The following GOLPH3L variants were observed in gnomAD, a reference collection of about 807,000 sequenced individuals.
GOLPH3L encodes golgi phosphoprotein 3 like, also known as Golgi phosphoprotein 3-like.
A neutral mutation model predicts 30.3 loss-of-function variants in GOLPH3L; 22 were observed. The observed-to-expected ratio is 0.73, with a 90% CI of 0.52 to 1.04. The LOEUF is 1.04. GOLPH3L is among the 50% of genes least tolerant of loss of function. The pLI, the probability that GOLPH3L is intolerant of heterozygous loss-of-function variation, is 0.00. For missense variants in GOLPH3L, 303 were observed against 345.8 expected (o/e 0.88, Z 0.98); for synonymous variants, 120 against 128.2 (o/e 0.94, Z 0.43).
intron 2 of GOLPH3L, chr1:150,694,025 A>G: frequency 3.4e-6 from 1 of 291,618 alleles, no homozygotes. Context: ...ACACATGGCT[A>G]ATTTTTTATT....
intron 2 of GOLPH3L, among the ~76,000 whole-genome samples, chr1:150,687,157 G>A (rs587647394): frequency 6.7e-4 from 102 of 151,898 alleles, no homozygotes; most frequent in Non-Finnish European, 1.1e-3. Context: ...TCTTTGCTCG[G>A]CCTGCTATTA....
intron 4 of GOLPH3L, among the ~76,000 whole-genome samples, chr1:150,658,874 A>T (rs1650306473): frequency 6.6e-6 from 1 of 152,380 alleles, no homozygotes; most frequent in Non-Finnish European, 1.5e-5. Context: ...GGCTCTTAAT[A>T]AGATCCAAAT....
At chr1:150,682,669 CTCTG>C (rs993931203) in intron 2 of GOLPH3L, among the ~76,000 whole-genome samples, 12 of 142,694 alleles carry the variant, frequency 8.4e-5, no homozygotes, top group Admixed American at 2.1e-4. Flanking sequence ...TCATGTAGAT[CTCTG>C]TCTGAATTTC....
intron 4 of GOLPH3L, among the ~76,000 whole-genome samples, chr1:150,655,564 G>A (rs186984766): frequency 1.1e-3 from 167 of 152,262 alleles, no homozygotes; most frequent in African/African-American, 3.6e-3. Flanking sequence ...CAAGGTTTAG[G>A]ATATCATTTT....
intron 2 of GOLPH3L, among the ~76,000 whole-genome samples, chr1:150,668,083 C>G (rs1429602223): frequency 6.6e-6 from 1 of 152,162 alleles, no homozygotes; most frequent in African/African-American, 2.4e-5. Context: ...GGTTCTGCAC[C>G]TGGGTGTGCC....
intron 2 of GOLPH3L, among the ~76,000 whole-genome samples, chr1:150,675,319 T>C (rs1476336982): frequency 6.6e-6 from 1 of 151,828 alleles, no homozygotes. Flanking sequence ...CATATACACA[T>C]TGTAGAAAAT....
chr1:150,669,746 G>C (rs766710419), intron 2 of GOLPH3L, among the ~76,000 whole-genome samples: 4 of 152,184 alleles, frequency 2.6e-5, no homozygotes, highest in Non-Finnish European at 4.4e-5. Flanking sequence ...TGGATCACCT[G>C]AGGTTAGGAG....
chr1:150,660,803 A>AT (rs1650350706), intron 4 of GOLPH3L, among the ~76,000 whole-genome samples: 1 of 152,246 alleles, frequency 6.6e-6, no homozygotes, highest in Admixed American at 6.5e-5. Flanking sequence ...GGAAGTTATC[A>AT]TTTAATAGGT....
At chr1:150,653,175 C>CAAAAA (rs757485843) in intron 4 of GOLPH3L, among the ~76,000 whole-genome samples, 6 of 76,238 alleles carry the variant, frequency 7.9e-5, no homozygotes, top group Admixed American at 1.3e-4. Flanking sequence ...GCCAAAAAAA[C>CAAAAA]AAAAAAAAAA....
chr1:150,683,264 C>A (rs898246620), intron 2 of GOLPH3L, among the ~76,000 whole-genome samples: 4 of 151,816 alleles, frequency 2.6e-5, no homozygotes, highest in Admixed American at 1.3e-4. Context: ...TGGCCTGGAG[C>A]GGTGGCTCAC....
At chr1:150,673,495 G>A (rs1233216799) in intron 2 of GOLPH3L, among the ~76,000 whole-genome samples, 1 of 151,662 alleles carries the variant, frequency 6.6e-6, no homozygotes, top group African/African-American at 2.4e-5. Flanking sequence ...TGAATCAGGA[G>A]GCGGAGGTTG....
intron 2 of GOLPH3L, among the ~76,000 whole-genome samples, chr1:150,689,099 T>C (rs1399893432): frequency 6.6e-6 from 1 of 152,104 alleles, no homozygotes; most frequent in African/African-American, 2.4e-5. Context: ...TTGCCATATT[T>C]CCAATGGATA....
chr1:150,688,480 A>G (rs1274227592), intron 2 of GOLPH3L, among the ~76,000 whole-genome samples: 1 of 152,144 alleles, frequency 6.6e-6, no homozygotes, highest in Non-Finnish European at 1.5e-5. Flanking sequence ...GGCGGGGCGC[A>G]GTGGCTCACA....
chr1:150,681,939 G>A (rs1333891754), intron 2 of GOLPH3L, among the ~76,000 whole-genome samples: 3 of 151,978 alleles, frequency 2.0e-5, no homozygotes, highest in East Asian at 1.9e-4. Flanking sequence ...TGTGGCAGGC[G>A]CCTGTAATCC....
chr1:150,681,588 T>C (rs925743011), intron 2 of GOLPH3L, among the ~76,000 whole-genome samples: 4 of 152,168 alleles, frequency 2.6e-5, no homozygotes, highest in African/African-American at 9.7e-5. Flanking sequence ...AGTCCTGCTC[T>C]CAGGGAGGTT....
intron 2 of GOLPH3L, among the ~76,000 whole-genome samples, chr1:150,693,494 C>T (rs12032880): frequency 2.0e-5 from 3 of 151,584 alleles, no homozygotes; most frequent in Admixed American, 6.6e-5. Flanking sequence ...CGAGGGGGGG[C>T]GGTTATTTAA....
chr1:150,653,659 T>C (rs1294122591), intron 4 of GOLPH3L, among the ~76,000 whole-genome samples: 1 of 152,022 alleles, frequency 6.6e-6, no homozygotes, highest in Non-Finnish European at 1.5e-5. Flanking sequence ...GGTCTCACTG[T>C]TGACCAGGCT....
Position 150,653,017 on chromosome 1 carries a change from G to T in GOLPH3L, c.431-4269C>A, listed in dbSNP as rs1415884025. On this transcript the variant is annotated intron_variant, in intron 4 of 4. Coordinates refer to ENST00000271732, the MANE Select transcript of GOLPH3L (RefSeq NM_018178.6). Reference sequence around the variant, plus strand: ...ACGTGTAACAATATTGGCATGGTGGGCCCATGCCTGTAATCCCAGAACTTT... The same window carrying T: ...ACGTGTAACAATATTGGCATGGTGGTCCCATGCCTGTAATCCCAGAACTTT... Among the ~76,000 whole-genome samples, 4 of 151,506 alleles carry T rather than the reference G, an allele frequency of 2.6e-5. No individual in the cohort carries two copies. In the East Asian group the frequency reaches 7.7e-4, roughly 29 times the overall value.
chr1:150,648,651 C>T lies in GOLPH3L; in HGVS notation c.528G>A (p.Glu176=). 1 of 1,612,098 alleles carries T rather than the reference C, an allele frequency of 6.2e-7. No homozygotes were observed. Among genetic ancestry groups the T allele is most frequent in the African/African-American group, 1.3e-5 (1 of 74,998 alleles). Residue 176 remains glutamate (E), a synonymous_variant, in exon 5 of 5, where the codon GAG becomes GAA. Transcript: ENST00000271732. ...NLVEKGILTT[E]KQNFLLFDMT... ...TGTCAAATAGCAGGAAATTCTGCTT[C>T]TCAGTGGTTAGAATACCTTTCTCTA...
Sources: allele counts gnomAD v4.1 joint callset (sites outside exome capture counted in the v4.1 genomes callset), GRCh38; gene constraint gnomAD v4.1.1; transcripts MANE v1.5; gene names NCBI Gene and HGNC (gene_info 2026-07-23, HGNC 2026-07-21).